The following GULP1 variants were observed in gnomAD, a reference collection of about 807,000 sequenced individuals.
The protein encoded by GULP1 is PTB domain-containing engulfment adapter protein 1.
GULP1 carries 19 observed loss-of-function variants against 40.9 expected under a neutral mutation model. That is an observed-to-expected ratio of 0.46 (90% confidence interval 0.32 to 0.68). GULP1 has a LOEUF of 0.68. Ranked by LOEUF, GULP1 falls within the 30% of genes least tolerant of loss-of-function variation. The probability of loss-of-function intolerance (pLI) is 0.03; values close to 1 mark genes in which losing one functional copy is unlikely to be tolerated. For synonymous variants in GULP1, 119 were observed against 117.6 expected (o/e 1.01, Z -0.08); for missense variants, 312 against 362.2 (o/e 0.86, Z 1.12).
intron 1 of GULP1, among the ~76,000 whole-genome samples, chr2:188,305,696 A>T (rs2036943933): frequency 1.3e-5 from 2 of 152,242 alleles, no homozygotes; most frequent in Non-Finnish European, 2.9e-5. Flanking sequence ...TTGTCTGCAT[A>T]TTCCTTTGAC....
intron 2 of GULP1, among the ~76,000 whole-genome samples, chr2:188,392,530 T>A (rs1300471532): frequency 1.3e-5 from 2 of 152,050 alleles, no homozygotes; most frequent in African/African-American, 4.8e-5. Context: ...AGTTTGTTTA[T>A]CTTTTCAGAG....
At chr2:188,472,688 C>T (rs966499418) in intron 2 of GULP1, among the ~76,000 whole-genome samples, 2 of 152,036 alleles carry the variant, frequency 1.3e-5, no homozygotes, top group Non-Finnish European at 2.9e-5. Context: ...TTCTGAATGC[C>T]TTCTCTATCT....
chr2:188,307,421 T>TA (rs1410458870), intron 1 of GULP1, among the ~76,000 whole-genome samples: 1 of 150,758 alleles, frequency 6.6e-6, no homozygotes, highest in African/African-American at 2.5e-5. Flanking sequence ...TGAAGTGAGA[T>TA]ACATCTCCTT....
rs1686920923 is a variant in GULP1, at chr2:188,529,168, A to G, written c.234A>G (p.Gly78=). ...TGGAGTTGCAAATATCAATTTATGG[A>G]GTAAAAATTCTAGAACCCAAAACAA... The part of the protein sequence containing the change: ...PKVELQISIY[G]VKILEPKTKE... The change falls in exon 6 of 12, where the codon GGA becomes GGG. Residue 78 remains glycine, a synonymous_variant. Coordinates refer to ENST00000409830, the MANE Select transcript of GULP1 (RefSeq NM_016315.4). 2 of 1,575,370 alleles carry G rather than the reference A, an allele frequency of 1.3e-6. No homozygotes were observed. The highest frequency in any genetic ancestry group is 2.3e-5 in the South Asian group (2 of 87,142).
chr2:188,431,074 C>G (rs1404243569), intron 2 of GULP1, among the ~76,000 whole-genome samples: 1 of 152,166 alleles, frequency 6.6e-6, no homozygotes, highest in Non-Finnish European at 1.5e-5. Context: ...CCCATATATA[C>G]ACCAAACAAA....
intron 2 of GULP1, among the ~76,000 whole-genome samples, chr2:188,405,635 G>A (rs942115973): frequency 6.6e-6 from 1 of 152,184 alleles, no homozygotes; most frequent in African/African-American, 2.4e-5. Context: ...ACCTTTAACA[G>A]CTCCATGCCA....
intron 2 of GULP1, among the ~76,000 whole-genome samples, chr2:188,406,878 T>C (rs1011641144): frequency 6.6e-6 from 1 of 152,018 alleles, no homozygotes; most frequent in Non-Finnish European, 1.5e-5. Flanking sequence ...CTAAGCCTGG[T>C]GAGAAATAAA....
intron 1 of GULP1, among the ~76,000 whole-genome samples, chr2:188,299,087 G>A (rs1317795137): frequency 2.6e-5 from 4 of 152,146 alleles, no homozygotes; most frequent in Non-Finnish European, 1.5e-5. Context: ...GCAGGGGTAT[G>A]AGCTGGAGTG....
At chr2:188,482,829 A>G (rs2061543908) in intron 3 of GULP1, among the ~76,000 whole-genome samples, 2 of 151,834 alleles carry the variant, frequency 1.3e-5, no homozygotes, top group African/African-American at 4.8e-5. Flanking sequence ...TTTATATCCA[A>G]AACTCCTGAG....
At chr2:188,463,634 T>C (rs961760634) in intron 2 of GULP1, among the ~76,000 whole-genome samples, 21 of 152,144 alleles carry the variant, frequency 1.4e-4, no homozygotes, top group African/African-American at 5.1e-4. Flanking sequence ...TAATAACTCT[T>C]AGATTTGCCC....
At chr2:188,556,166 A>T (rs565833626) in intron 7 of GULP1, among the ~76,000 whole-genome samples, 1 of 152,234 alleles carries the variant, frequency 6.6e-6, no homozygotes, top group Non-Finnish European at 1.5e-5. Context: ...GGGAACACTG[A>T]TAATTTGAAT....
intron 4 of GULP1, among the ~76,000 whole-genome samples, chr2:188,522,054 C>T (rs941238148): frequency 5.3e-5 from 8 of 151,962 alleles, no homozygotes; most frequent in African/African-American, 1.9e-4. Flanking sequence ...CTGGCCTGGG[C>T]GAAAGAGTGA....
At chr2:188,432,732 C>T (rs2057006728) in intron 2 of GULP1, among the ~76,000 whole-genome samples, 1 of 151,878 alleles carries the variant, frequency 6.6e-6, no homozygotes, top group South Asian at 2.1e-4. Flanking sequence ...TAAAACTCAG[C>T]TTATTTATTT....
intron 5 of GULP1, among the ~76,000 whole-genome samples, chr2:188,528,682 G>GT (rs1310115539): frequency 6.6e-6 from 1 of 152,012 alleles, no homozygotes; most frequent in Non-Finnish European, 1.5e-5. Flanking sequence ...TCCAAACTAG[G>GT]TAAGTATCTA....
chr2:188,556,074 A>C (rs1319985815), intron 7 of GULP1, among the ~76,000 whole-genome samples: 2 of 147,494 alleles, frequency 1.4e-5, no homozygotes, highest in Non-Finnish European at 2.9e-5. Flanking sequence ...AAAAAAGAAA[A>C]AGAAAAAGAA....
At chr2:188,586,805 A>G (rs536329772) in intron 10 of GULP1, among the ~76,000 whole-genome samples, 2 of 152,222 alleles carry the variant, frequency 1.3e-5, no homozygotes, top group East Asian at 1.9e-4. Context: ...CTCCTTCACA[A>G]TGAGAATCAC....
chr2:188,584,910 A>G (rs1402516359), intron 10 of GULP1, among the ~76,000 whole-genome samples: 1 of 151,976 alleles, frequency 6.6e-6, no homozygotes, highest in Non-Finnish European at 1.5e-5. Flanking sequence ...TTTATCTTTT[A>G]TATATCTGGA....
At chr2:188,369,566 A>G (rs574767419) in intron 1 of GULP1, among the ~76,000 whole-genome samples, 61 of 152,052 alleles carry the variant, frequency 4.0e-4, no homozygotes, top group Non-Finnish European at 7.6e-4. Flanking sequence ...CCCTAGTGAC[A>G]GAGTTGATCC....
chr2:188,530,432 A>G (rs1346802329), intron 6 of GULP1, among the ~76,000 whole-genome samples: 1 of 152,226 alleles, frequency 6.6e-6, no homozygotes, highest in South Asian at 2.1e-4. Context: ...TTTGGACTAA[A>G]GTGTTTCCTT....
Sources: gnomAD v4.1 joint callset for allele counts (sites outside exome capture counted in the v4.1 genomes callset) on GRCh38, gnomAD v4.1.1 for gene constraint, MANE v1.5 for transcripts, NCBI Gene and HGNC (gene_info 2026-07-23, HGNC 2026-07-21) for gene names.